ELOC: variants seen among roughly 807,000 people sequenced by gnomAD.
The protein encoded by ELOC is elongin-C.
For synonymous variants in ELOC, 40 were observed against 51.3 expected, an observed-to-expected ratio of 0.78 and a Z score of 0.94; for missense variants, 38 against 139.0, an observed-to-expected ratio of 0.27 and a Z score of 3.65.
intron 1 of ELOC, among the ~76,000 whole-genome samples, chr8:73,960,524 G>T (rs1487053118): frequency 6.6e-6 from 1 of 152,142 alleles, no homozygotes; most frequent in Non-Finnish European, 1.5e-5. Context: ...AGTTGGAGGG[G>T]TGCTGAAGAC....
chr8:73,949,352 T>TATTA (rs1050078715), intron 3 of ELOC, among the ~76,000 whole-genome samples: 3 of 152,214 alleles, frequency 2.0e-5, no homozygotes, highest in African/African-American at 7.2e-5. Context: ...TATAGGCACT[T>TATTA]ATTAAGACTT....
At chr8:73,954,303 G>A (rs1257364275) in intron 3 of ELOC, among the ~76,000 whole-genome samples, 2 of 152,212 alleles carry the variant, frequency 1.3e-5, no homozygotes, top group Non-Finnish European at 2.9e-5. Flanking sequence ...CCACTAAATT[G>A]TACACTTTAA....
intron 1 of ELOC, among the ~76,000 whole-genome samples, chr8:73,970,413 C>T (rs1436625647): frequency 6.6e-6 from 1 of 152,050 alleles, no homozygotes; most frequent in Non-Finnish European, 1.5e-5. Context: ...TAAACTAGTG[C>T]CTATTATATT....
At chr8:73,947,639 T>C (rs919934732) in intron 3 of ELOC, among the ~76,000 whole-genome samples, 4 of 151,820 alleles carry the variant, frequency 2.6e-5, no homozygotes, top group South Asian at 2.1e-4. Flanking sequence ...AGTGGCATGG[T>C]TGTGGCTCAC....
In ELOC at chr8:73,972,185, T is replaced by C. The variant is rs1340164475; in HGVS notation, c.-159A>G. The C allele has an allele frequency of 6.6e-6, 1 of 152,296 alleles. No homozygotes were observed. Among genetic ancestry groups the C allele is most frequent in the Non-Finnish European group, 1.5e-5 (1 of 68,152 alleles). 9.4% of individuals were successfully genotyped at this position (152,296 alleles called of 1,614,324 possible). On this transcript the variant is annotated 5_prime_UTR_variant, in exon 1 of 4. Coordinates refer to ENST00000520242, the MANE Select transcript of ELOC (RefSeq NM_005648.4). The stretch of plus-strand genomic sequence containing the variant: ...CCTGCTCCGGTGGGTTCCGGGGCAG[T>C]CGAAAGAATTACTTCCGCTGGGTCA...
rs1273928795 is a variant in ELOC, at chr8:73,945,900, G to A, written c.*730C>T. ...AGGAAGAATAAATATTGCAAACGAC[G>A]CTTTATAGTCAATGCAAATACAGTA... On this transcript the variant is annotated 3_prime_UTR_variant, in exon 4 of 4. Coordinates refer to ENST00000520242, the MANE Select transcript of ELOC (RefSeq NM_005648.4). 6.6e-6 allele frequency: 1 copy of A among 151,426 alleles called. No homozygotes were observed. Among genetic ancestry groups the A allele is most frequent in the Non-Finnish European group, 1.5e-5 (1 of 68,012 alleles). The allele number at this position is 151,426 out of a possible 1,614,324, so 9.4% of individuals were successfully genotyped here.
In ELOC at chr8:73,946,225, A is replaced by G. The variant is rs1159053730; in HGVS notation, c.*405T>C. 6.4e-6 allele frequency: 1 copy of G among 157,148 alleles called. No individual in the cohort carries two copies. Among genetic ancestry groups the G allele is most frequent in the African/African-American group, 2.4e-5 (1 of 41,576 alleles). 9.7% of individuals were successfully genotyped at this position (157,148 alleles called of 1,614,324 possible). A position where few individuals can be genotyped will look rare whatever the true frequency, so the allele number is the denominator to read the frequency against. ...ATGCAATTATTTGCATAACTCTAGTAATGCTAATGGCGGCTATAAGATTAG... is the reference window on the plus strand; with the variant it reads ...ATGCAATTATTTGCATAACTCTAGTGATGCTAATGGCGGCTATAAGATTAG... On this transcript the variant is annotated 3_prime_UTR_variant, in exon 4 of 4. Transcript: ENST00000520242.
chr8:73,953,973 G>A (rs922983069), intron 3 of ELOC, among the ~76,000 whole-genome samples: 1 of 152,186 alleles, frequency 6.6e-6, no homozygotes, highest in African/African-American at 2.4e-5. Flanking sequence ...AAATTGTGGT[G>A]TATTCACATC....
At chr8:73,950,205 A>C (rs1056407560) in intron 3 of ELOC, among the ~76,000 whole-genome samples, 6 of 152,234 alleles carry the variant, frequency 3.9e-5, no homozygotes, top group African/African-American at 9.6e-5. Flanking sequence ...AGCCATGTCA[A>C]AAGGACACAG....
At chr8:73,963,939 A>C (rs1814783234) in intron 1 of ELOC, among the ~76,000 whole-genome samples, 1 of 151,964 alleles carries the variant, frequency 6.6e-6, no homozygotes, top group African/African-American at 2.4e-5. Context: ...CGAAAAATAC[A>C]ATAATTAGCT....
chr8:73,954,862 G>A (rs1196189922), intron 3 of ELOC, among the ~76,000 whole-genome samples: 4 of 150,544 alleles, frequency 2.7e-5, no homozygotes, highest in East Asian at 2.0e-4. Flanking sequence ...TGAAAACCCC[G>A]TCTCTACTAA....
chr8:73,946,013 T>C lies in ELOC; in HGVS notation c.*617A>G, dbSNP rs770402703. 1.3e-5 allele frequency: 2 copies of C among 151,376 alleles called. No homozygotes were observed. The highest frequency in any genetic ancestry group is 2.9e-5 in the Non-Finnish European group (2 of 68,010). The allele number at this position is 151,376 out of a possible 1,614,324, so 9.4% of individuals were successfully genotyped here. A position where few individuals can be genotyped will look rare whatever the true frequency, so the allele number is the denominator to read the frequency against. On this transcript the variant is annotated 3_prime_UTR_variant, in exon 4 of 4. Coordinates refer to ENST00000520242, the MANE Select transcript of ELOC (RefSeq NM_005648.4). The stretch of plus-strand genomic sequence containing the variant: ...CATCTGGCTACAGTTCAGTTTCTTC[T>C]GCAAAAGCTGTACCTAGTAACCTTC...
chr8:73,955,780 C>T, intron 3 of ELOC, 131 bp downstream of exon 3: 1 of 1,126,898 alleles, frequency 8.9e-7, no homozygotes, highest in Non-Finnish European at 1.3e-6. Flanking sequence ...AACAAAAGAA[C>T]AAAAACATAA....
At chr8:73,950,314 TATAG>T (rs1813667059) in intron 3 of ELOC, among the ~76,000 whole-genome samples, 1 of 152,068 alleles carries the variant, frequency 6.6e-6, no homozygotes, top group South Asian at 2.1e-4. Flanking sequence ...AAACATGAAA[TATAG>T]TCATGAATTC....
At chr8:73,963,922 G>A (rs1026069846) in intron 1 of ELOC, among the ~76,000 whole-genome samples, 35 of 151,770 alleles carry the variant, frequency 2.3e-4, no homozygotes, top group Admixed American at 2.0e-3. Flanking sequence ...GTGAAACCCC[G>A]TCTCCACGAA....
chr8:73,956,349 T>C (rs544251091), intron 2 of ELOC, among the ~76,000 whole-genome samples: 15 of 152,252 alleles, frequency 9.9e-5, no homozygotes, highest in Non-Finnish European at 2.2e-4. Context: ...CACGCCACTG[T>C]AGTCCAGCCT....
chr8:73,964,445 T>A (rs1451636280), intron 1 of ELOC: 2 of 152,122 alleles, frequency 1.3e-5, no homozygotes. Flanking sequence ...CAACTTAAAA[T>A]GCAAAATAAG....
chr8:73,961,560 C>A (rs139193752), intron 1 of ELOC, among the ~76,000 whole-genome samples: 165 of 152,088 alleles, frequency 1.1e-3, no homozygotes, highest in African/African-American at 3.7e-3. Flanking sequence ...ATTGCCCAGG[C>A]TGGAGTGCAG....
intron 2 of ELOC, among the ~76,000 whole-genome samples, chr8:73,959,281 T>C (rs1317738884): frequency 1.3e-5 from 2 of 152,268 alleles, no homozygotes; most frequent in East Asian, 3.9e-4. Flanking sequence ...TCATAGCTTA[T>C]TTCTGCCTCG....
Sources: allele counts gnomAD v4.1 joint callset (sites outside exome capture counted in the v4.1 genomes callset), GRCh38; gene constraint gnomAD v4.1.1; transcripts MANE v1.5; gene names NCBI Gene and HGNC (gene_info 2026-07-23, HGNC 2026-07-21).